UEVLD: variants seen among roughly 807,000 people sequenced by gnomAD.
UEVLD encodes the protein UEV and lactate/malate dehyrogenase domains, also known as ubiquitin-conjugating enzyme E2 variant 3.
A neutral mutation model predicts 58.6 loss-of-function variants in UEVLD; 47 were observed. The observed-to-expected ratio is 0.80, with a 90% confidence interval of 0.63 to 1.02. UEVLD has a LOEUF of 1.02. Among genes scored for constraint, UEVLD ranks in the 50% least tolerant of loss-of-function variants. The pLI is 0.00. For synonymous variants in UEVLD, 197 were observed against 195.3 expected (o/e 1.01, Z -0.07); for missense variants, 510 against 550.6 (o/e 0.93, Z 0.74).
At chr11:18,536,996 C>T (rs933908792) in intron 9 of UEVLD, among the ~76,000 whole-genome samples, 3 of 146,978 alleles carry the variant, frequency 2.0e-5, no homozygotes, top group Non-Finnish European at 3.0e-5. Context: ...CCCGGGTTCA[C>T]GCAATTCTCA....
intron 1 of UEVLD, among the ~76,000 whole-genome samples, chr11:18,581,185 T>C (rs935956563): frequency 1.0e-4 from 15 of 147,598 alleles, no homozygotes; most frequent in African/African-American, 3.7e-4. Context: ...AAAAAAGATA[T>C]AGCTCTACTG....
At chr11:18,539,379 A>G (rs1417975618) in intron 9 of UEVLD, among the ~76,000 whole-genome samples, 2 of 152,116 alleles carry the variant, frequency 1.3e-5, no homozygotes, top group Non-Finnish European at 2.9e-5. Flanking sequence ...AAGTTTTTGT[A>G]TAAGAAAAAA....
intron 1 of UEVLD, among the ~76,000 whole-genome samples, chr11:18,580,035 CTTTTTTTTT>C (rs140542993): frequency 4.7e-5 from 4 of 85,436 alleles, no homozygotes; most frequent in South Asian, 4.9e-4. Context: ...TCCCAGCTGG[CTTTTTTTTT>C]TTTTTTTTTT....
chr11:18,558,256 G>A lies in UEVLD; in HGVS notation c.687C>T (p.Phe229=), dbSNP rs1389605264. 1 of 1,612,856 alleles carries A rather than the reference G, an allele frequency of 6.2e-7. No homozygotes were observed. Among genetic ancestry groups the A allele is most frequent in the Non-Finnish European group, 8.5e-7 (1 of 1,179,532 alleles). Residue 229 remains phenylalanine, a synonymous_variant, in exon 7 of 12, where the codon TTC becomes TTT. Coordinates refer to ENST00000396197, the MANE Select transcript of UEVLD (RefSeq NM_001040697.4). The stretch of plus-strand genomic sequence containing the variant: ...TGCTGATCTCCACATTAGGAAGGTT[G>A]AAGATTTCAAGGTCCATCGTGGCTC... ...TKGATMDLEI[F]NLPNVEISKD... is the part of the protein sequence containing the mutation.
chr11:18,556,857 C>G (rs1851776015), intron 7 of UEVLD, among the ~76,000 whole-genome samples: 1 of 152,014 alleles, frequency 6.6e-6, no homozygotes, highest in Non-Finnish European at 1.5e-5. Context: ...CTTTGGGAGG[C>G]TGAGGCGGGC....
At position 18,583,657 on chromosome 11, in the gene UEVLD, CTTT is replaced by C. The variant is rs35384688; in HGVS notation, c.43-4852_43-4850del. 6.9e-3 allele frequency among the ~76,000 whole-genome samples: 805 copies of C among 117,222 alleles called. 28 individuals are homozygous for C. In the East Asian group the frequency reaches 0.077, roughly 11 times the overall value. 76.9% of individuals were successfully genotyped at this position (117,222 alleles called of 152,430 possible). ...GGAATCTTTATTAAGTCCAGTATTA[CTTT>C]TTTTTTTTTTTTTTTTTTGAGACAG... On this transcript the variant is annotated intron_variant, in intron 1 of 11. Coordinates refer to ENST00000396197, the MANE Select transcript of UEVLD (RefSeq NM_001040697.4).
chr11:18,581,162 CAA>C (rs34170647), intron 1 of UEVLD, among the ~76,000 whole-genome samples: 46 of 82,862 alleles, frequency 5.6e-4, no homozygotes, highest in East Asian at 1.5e-3. Context: ...GACTCAGTCT[CAA>C]AAAAAAAAAA....
At chr11:18,566,753 T>C (rs1466585682) in intron 4 of UEVLD, among the ~76,000 whole-genome samples, 2 of 152,262 alleles carry the variant, frequency 1.3e-5, no homozygotes, top group African/African-American at 4.8e-5. Flanking sequence ...ATACACATTA[T>C]ATGATACTTT....
chr11:18,587,029 C>G (rs531688597), intron 1 of UEVLD, among the ~76,000 whole-genome samples: 10 of 152,242 alleles, frequency 6.6e-5, no homozygotes, highest in African/African-American at 2.4e-4. Flanking sequence ...GAGACTCCGT[C>G]TCAAAACAAA....
intron 2 of UEVLD, among the ~76,000 whole-genome samples, chr11:18,575,870 C>A (rs910941211): frequency 1.8e-4 from 28 of 152,202 alleles, no homozygotes; most frequent in African/African-American, 6.8e-4. Flanking sequence ...CAGTTCCACT[C>A]CTCTCACCTC....
At chr11:18,546,073 T>C (rs989754771) in intron 8 of UEVLD, among the ~76,000 whole-genome samples, 1 of 152,166 alleles carries the variant, frequency 6.6e-6, no homozygotes, top group Non-Finnish European at 1.5e-5. Flanking sequence ...TACCTCTACA[T>C]TGGGAACATT....
chr11:18,536,085 G>C (rs1850783112), intron 10 of UEVLD, among the ~76,000 whole-genome samples: 1 of 152,214 alleles, frequency 6.6e-6, no homozygotes, highest in Non-Finnish European at 1.5e-5. Context: ...AGTGAGCCGA[G>C]ATCGCGCCAC....
intron 1 of UEVLD, among the ~76,000 whole-genome samples, chr11:18,579,178 T>G (rs535239350): frequency 1.3e-5 from 2 of 152,250 alleles, no homozygotes; most frequent in Non-Finnish European, 2.9e-5. Context: ...GCAGTTAATA[T>G]TTAACTGACA....
chr11:18,547,138 A>T (rs1851336887), intron 7 of UEVLD, 88 bp from the exon 8 acceptor site: 17 of 1,395,672 alleles, frequency 1.2e-5, no homozygotes, highest in Non-Finnish European at 2.9e-6. Flanking sequence ...CTTTTCAACA[A>T]ATAAGAGAGC....
intron 1 of UEVLD, chr11:18,579,609 G>T: frequency 2.4e-6 from 1 of 412,544 alleles, no homozygotes; most frequent in South Asian, 1.0e-4. Context: ...GTAGTCAGGT[G>T]TGTGAACTGC....
chr11:18,576,774 T>C (rs886358903), intron 2 of UEVLD, among the ~76,000 whole-genome samples: 3 of 152,120 alleles, frequency 2.0e-5, no homozygotes, highest in Non-Finnish European at 4.4e-5. Flanking sequence ...CAACTTCCCA[T>C]GATTTCATCT....
chr11:18,576,833 C>A (rs901681496), intron 2 of UEVLD, among the ~76,000 whole-genome samples: 1 of 152,166 alleles, frequency 6.6e-6, no homozygotes, highest in East Asian at 1.9e-4. Flanking sequence ...CCCCCACCCA[C>A]CAAGCTGTCA....
chr11:18,588,474 A>G lies in UEVLD; in HGVS notation c.42+139T>C, dbSNP rs144015587. ...CAGCCTCCCTGGGGCCGCGCCCCAT[A>G]GCCGGTTTCAGACCAGCCGCCCCGG... On this transcript the variant is annotated intron_variant, in intron 1 of 11. Coordinates refer to ENST00000396197, the MANE Select transcript of UEVLD (RefSeq NM_001040697.4). 4,880 of 1,005,456 alleles carry G rather than the reference A, an allele frequency of 4.9e-3. 15 individuals carry two copies. The highest frequency in any genetic ancestry group is 5.8e-3 in the Non-Finnish European group (4,112 of 704,772). The allele number at this position is 1,005,456 out of a possible 1,614,324, so 62.3% of individuals were successfully genotyped here. A position where few individuals can be genotyped will look rare whatever the true frequency, so the allele number is the denominator to read the frequency against.
At chr11:18,560,226 T>G (rs1455697870) in intron 6 of UEVLD, among the ~76,000 whole-genome samples, 1 of 151,772 alleles carries the variant, frequency 6.6e-6, no homozygotes, top group Non-Finnish European at 1.5e-5. Flanking sequence ...CTTTATGAGG[T>G]TGTAAGGATT....
Sources: gnomAD v4.1 joint callset for allele counts (sites outside exome capture counted in the v4.1 genomes callset) on GRCh38, gnomAD v4.1.1 for gene constraint, MANE v1.5 for transcripts, NCBI Gene and HGNC (gene_info 2026-07-23, HGNC 2026-07-21) for gene names.